Variants in KLF8 observed in about 807,000 individuals in gnomAD.
KLF8 encodes the protein Krueppel-like factor 8.
A neutral mutation model predicts 18.2 loss-of-function variants in KLF8; 10 were observed. The observed-to-expected ratio is 0.55, with a 90% CI of 0.34 to 0.93. The LOEUF (loss-of-function observed/expected upper bound fraction) is 0.93. Ranked by LOEUF, KLF8 falls within the 40% of genes least tolerant of loss-of-function variation. The pLI is 0.02. For missense variants in KLF8, 264 were observed against 277.9 expected, an observed-to-expected ratio of 0.95 and a Z score of 0.36; for synonymous variants, 109 against 97.3, an observed-to-expected ratio of 1.12 and a Z score of -0.71.
chrX:56,157,625 A>T, the KLF8 span, among the ~76,000 whole-genome samples: 11 of 111,215 alleles, frequency 9.9e-5, no homozygotes, highest in Admixed American at 1.9e-4. Context: ...TTGATTTGCA[A>T]TTCTCTGATG....
At chrX:56,076,393 T>C in the KLF8 span, among the ~76,000 whole-genome samples, 1 of 106,425 alleles carries the variant, frequency 9.4e-6, no homozygotes, top group Non-Finnish European at 1.9e-5. Flanking sequence ...ATGCGGTGTT[T>C]GATTTTTTGT....
At chrX:56,085,467 G>A in the KLF8 span, among the ~76,000 whole-genome samples, 2 of 111,421 alleles carry the variant, frequency 1.8e-5, no homozygotes, top group Non-Finnish European at 3.8e-5. Flanking sequence ...CAGTTAAGTA[G>A]AGAAAGCAAA....
At chrX:56,271,002 C>T (rs750056698) in intron 5 of KLF8, among the ~76,000 whole-genome samples, 1 of 111,581 alleles carries the variant, frequency 9.0e-6, no homozygotes, top group Non-Finnish European at 1.9e-5. Flanking sequence ...ACAAAAATAA[C>T]AATACAACAA....
the KLF8 span, among the ~76,000 whole-genome samples, chrX:56,182,227 A>C: frequency 8.9e-6 from 1 of 111,945 alleles, no homozygotes; most frequent in Non-Finnish European, 1.9e-5. Flanking sequence ...TCAATCACTG[A>C]TACCCTTTCT....
chrX:55,989,934 G>A, the KLF8 span, among the ~76,000 whole-genome samples: 93 of 111,459 alleles, frequency 8.3e-4, no homozygotes, highest in African/African-American at 2.6e-3. Context: ...AGTCTTGGGG[G>A]GGTGTATGTG....
At chrX:56,143,391 C>A in the KLF8 span, among the ~76,000 whole-genome samples, 1 of 112,023 alleles carries the variant, frequency 8.9e-6, no homozygotes, top group Non-Finnish European at 1.9e-5. Context: ...CATTGTCTGA[C>A]CTTAGATATT....
intron 2 of KLF8, among the ~76,000 whole-genome samples, chrX:56,250,693 G>A (rs1232919442): frequency 9.0e-6 from 1 of 111,194 alleles, no homozygotes; most frequent in Non-Finnish European, 1.9e-5. Context: ...GAACCAACAG[G>A]ATATGTGTGT....
rs6612509 is a variant in KLF8, at chrX:56,290,991, A to T, written c.*6497A>T. Among the ~76,000 whole-genome samples the T allele has an allele frequency of 9.1e-6, 1 of 109,970 alleles. No homozygotes were observed. The highest frequency in any genetic ancestry group is 1.9e-5 in the Non-Finnish European group (1 of 52,586). Reference sequence around the variant, plus strand: ...TTACTTTATAACTATGCTGTATGCCATGCTGTTTTCATTGTATCACAGAAT... The same window carrying T: ...TTACTTTATAACTATGCTGTATGCCTTGCTGTTTTCATTGTATCACAGAAT... On this transcript the variant is annotated 3_prime_UTR_variant, in exon 6 of 6. Coordinates refer to ENST00000468660, the MANE Select transcript of KLF8 (RefSeq NM_007250.5).
chrX:56,160,956 C>T, the KLF8 span, among the ~76,000 whole-genome samples: 1 of 111,007 alleles, frequency 9.0e-6, no homozygotes, highest in African/African-American at 3.3e-5. Flanking sequence ...TTATTTTGCT[C>T]GTTAGTTGAT....
At chrX:56,106,423 C>A in the KLF8 span, among the ~76,000 whole-genome samples, 1 of 111,393 alleles carries the variant, frequency 9.0e-6, no homozygotes, top group African/African-American at 3.3e-5. Flanking sequence ...TTGTTTTTAC[C>A]CCTTTTTCTC....
Position 56,284,595 on chromosome X carries a change from G to A in KLF8, c.*101G>A, listed in dbSNP as rs1380693905. 1.3e-5 allele frequency: 9 copies of A among 702,710 alleles called. No homozygotes were observed. Among genetic ancestry groups the A allele is most frequent in the Non-Finnish European group, 2.0e-6 (1 of 503,647 alleles). The allele number at this position is 702,710 out of a possible 1,213,427, so 57.9% of individuals were successfully genotyped here. On this transcript the variant is annotated 3_prime_UTR_variant, in exon 6 of 6. Coordinates refer to ENST00000468660, the MANE Select transcript of KLF8 (RefSeq NM_007250.5). ...TCTTTGACTTCAGCTTGCATATGGG[G>A]TTGAAGCAGCCCACTGAGCCAAGTT...
chrX:56,000,071 G>A, the KLF8 span, among the ~76,000 whole-genome samples: 4 of 111,701 alleles, frequency 3.6e-5, no homozygotes, highest in East Asian at 1.1e-3. Flanking sequence ...GATTTTATCA[G>A]TTGCTTTTTC....
chrX:56,011,164 ATGCAT>A, the KLF8 span, among the ~76,000 whole-genome samples: 2 of 112,465 alleles, frequency 1.8e-5, no homozygotes, highest in Non-Finnish European at 3.8e-5. Context: ...ACAACAGAGT[ATGCAT>A]TGTTTTTAGT....
chrX:56,100,554 G>C, the KLF8 span, among the ~76,000 whole-genome samples: 1 of 112,062 alleles, frequency 8.9e-6, no homozygotes, highest in South Asian at 3.7e-4. Context: ...AGGATTTGAA[G>C]GGTTTGTCAT....
At chrX:55,947,159 A>G in the KLF8 span, among the ~76,000 whole-genome samples, 12 of 111,357 alleles carry the variant, frequency 1.1e-4, no homozygotes, top group African/African-American at 3.9e-4. Flanking sequence ...AGGACTATAA[A>G]TCATGCTGCT....
chrX:55,944,115 T>A, the KLF8 span, among the ~76,000 whole-genome samples: 1 of 111,596 alleles, frequency 9.0e-6, no homozygotes, highest in Non-Finnish European at 1.9e-5. Flanking sequence ...TTGATTCTGT[T>A]TATATGCTGG....
the KLF8 span, among the ~76,000 whole-genome samples, chrX:56,196,261 G>A: frequency 9.9e-5 from 11 of 111,264 alleles, no homozygotes; most frequent in Admixed American, 6.7e-4. Flanking sequence ...TGGGCTAAAT[G>A]CCCCAATTAA....
chrX:56,183,441 G>T, the KLF8 span, among the ~76,000 whole-genome samples: 1 of 111,910 alleles, frequency 8.9e-6, no homozygotes, highest in Non-Finnish European at 1.9e-5. Context: ...GCCCTGCCCT[G>T]CTTCAGCTCA....
chrX:55,987,479 C>T, the KLF8 span, among the ~76,000 whole-genome samples: 4 of 110,968 alleles, frequency 3.6e-5, no homozygotes, highest in Admixed American at 1.9e-4. Context: ...CAATAGTTTG[C>T]TGAGAATGAT....
Sources: gnomAD v4.1 joint callset for allele counts (sites outside exome capture counted in the v4.1 genomes callset) on GRCh38, gnomAD v4.1.1 for gene constraint, MANE v1.5 for transcripts, NCBI Gene and HGNC (gene_info 2026-07-23, HGNC 2026-07-21) for gene names.